Variants in DCC observed in about 807,000 individuals in gnomAD.
The protein encoded by DCC is netrin receptor DCC.
Under a neutral mutation model 172.5 loss-of-function variants are expected in DCC, and 58 were observed. The observed-to-expected ratio is 0.34, with a 90% CI of 0.27 to 0.42. The LOEUF (loss-of-function observed/expected upper bound fraction) is 0.42, where lower values mean the gene tolerates loss of function less well. Ranked by LOEUF, DCC falls within the 10% of genes least tolerant of loss-of-function variation. DCC has a pLI of 1.00. For synonymous variants in DCC, 709 were observed against 644.5 expected (o/e 1.10, Z -1.52); for missense variants, 1,740 against 1,791.0 (o/e 0.97, Z 0.51).
intron 1 of DCC, among the ~76,000 whole-genome samples, chr18:52,417,186 T>C (rs887587950): frequency 2.0e-5 from 3 of 152,174 alleles, no homozygotes; most frequent in African/African-American, 7.2e-5. Context: ...TCTTTAAGAA[T>C]GTTGAATATT....
intron 2 of DCC, among the ~76,000 whole-genome samples, chr18:52,877,922 T>C (rs371553186): frequency 6.6e-5 from 10 of 152,148 alleles, no homozygotes; most frequent in African/African-American, 2.2e-4. Flanking sequence ...GCTATATTAA[T>C]GATAATGTAA....
intron 2 of DCC, among the ~76,000 whole-genome samples, chr18:52,816,015 C>T (rs2145259999): frequency 6.6e-6 from 1 of 152,314 alleles, no homozygotes; most frequent in South Asian, 2.1e-4. Context: ...GTAATAGCAA[C>T]TGATAATTAT....
intron 2 of DCC, among the ~76,000 whole-genome samples, chr18:52,896,740 G>A (rs1284356055): frequency 6.6e-6 from 1 of 152,098 alleles, no homozygotes; most frequent in African/African-American, 2.4e-5. Context: ...ATATTGATGG[G>A]ACAAGCCAGC....
In DCC at chr18:52,906,346, G is replaced by C. The variant is rs563147101; in HGVS notation, c.697+18G>C. The C allele has an allele frequency of 6.2e-7, 1 of 1,612,926 alleles. No homozygotes were observed. Among genetic ancestry groups the C allele is most frequent in the African/African-American group, 1.3e-5 (1 of 75,020 alleles). On this transcript the variant is annotated intron_variant, in intron 3 of 28. Coordinates refer to ENST00000442544, the MANE Select transcript of DCC (RefSeq NM_005215.4). ...TTTATCAGGTATTGCAATGCTCTTT[G>C]TTGCCTTCAGAATGATATTCTCTGG...
At chr18:52,740,409 T>A (rs1267937479) in intron 1 of DCC, among the ~76,000 whole-genome samples, 2 of 152,122 alleles carry the variant, frequency 1.3e-5, no homozygotes, top group African/African-American at 4.8e-5. Flanking sequence ...ACACAGTAAA[T>A]ATCATGACAA....
At chr18:53,515,840 G>A (rs1406564207) in intron 27 of DCC, among the ~76,000 whole-genome samples, 1 of 151,966 alleles carries the variant, frequency 6.6e-6, no homozygotes, top group Non-Finnish European at 1.5e-5. Context: ...CTCATGGGTA[G>A]GAAGAATCAA....
rs563617387 is a variant in DCC at position 52,543,756 on chromosome 18, G to A, written c.91+202878G>A. ...TGCCCCTGACCCTTCTCCCATACCA[G>A]GACAAAAACTTAAATAGAGAGCAGA... is the stretch of plus-strand genomic sequence containing the variant. On this transcript the variant is annotated intron_variant, in intron 1 of 28. Transcript: ENST00000442544. 2.0e-5 allele frequency among the ~76,000 whole-genome samples: 3 copies of A among 152,244 alleles called. No homozygotes were observed. The South Asian group carries it at 6.2e-4, about 32-fold the overall frequency.
chr18:52,979,272 G>A (rs1363314132), intron 5 of DCC, among the ~76,000 whole-genome samples: 1 of 152,112 alleles, frequency 6.6e-6, no homozygotes, highest in Non-Finnish European at 1.5e-5. Flanking sequence ...AGAGGGGAAG[G>A]AATCAGTTTG....
intron 2 of DCC, among the ~76,000 whole-genome samples, chr18:52,886,524 A>G (rs1369270897): frequency 2.0e-5 from 3 of 152,138 alleles, no homozygotes; most frequent in African/African-American, 7.2e-5. Context: ...TGCATCTTGC[A>G]TTACCTGGCA....
At chr18:52,460,261 TC>T (rs1341713993) in intron 1 of DCC, among the ~76,000 whole-genome samples, 1 of 152,172 alleles carries the variant, frequency 6.6e-6, no homozygotes, top group East Asian at 1.9e-4. Flanking sequence ...TTTGCCCCTT[TC>T]TCTGCACCAA....
intron 7 of DCC, among the ~76,000 whole-genome samples, chr18:53,109,403 A>G (rs1430424923): frequency 1.3e-5 from 2 of 151,604 alleles, no homozygotes; most frequent in Admixed American, 6.6e-5. Context: ...TTCAATATTT[A>G]TTAAATCCTC....
intron 2 of DCC, among the ~76,000 whole-genome samples, chr18:52,854,116 C>T (rs1450642753): frequency 6.6e-6 from 1 of 152,176 alleles, no homozygotes; most frequent in Non-Finnish European, 1.5e-5. Context: ...ATAGATGAGG[C>T]TATTTTATCT....
intron 5 of DCC, among the ~76,000 whole-genome samples, chr18:52,979,482 T>A (rs934580796): frequency 6.6e-6 from 1 of 152,202 alleles, no homozygotes; most frequent in South Asian, 2.1e-4. Flanking sequence ...TCAAAAGGCA[T>A]GGATGTTGCT....
chr18:53,460,671 A>G (rs1568146480), intron 24 of DCC, among the ~76,000 whole-genome samples: 2 of 151,866 alleles, frequency 1.3e-5, no homozygotes, highest in Non-Finnish European at 2.9e-5. Flanking sequence ...TTCTTAATCC[A>G]GTCTATCATT....
At chr18:52,877,342 C>T (rs557927353) in intron 2 of DCC, among the ~76,000 whole-genome samples, 5 of 152,200 alleles carry the variant, frequency 3.3e-5, no homozygotes, top group African/African-American at 7.2e-5. Flanking sequence ...GCCCCAGTTT[C>T]GAACTATTGG....
intron 27 of DCC, among the ~76,000 whole-genome samples, chr18:53,501,169 T>C (rs2046092984): frequency 6.6e-6 from 1 of 152,204 alleles, no homozygotes; most frequent in Non-Finnish European, 1.5e-5. Flanking sequence ...GAGCCTTTAA[T>C]GAATCTTTAA....
intron 1 of DCC, among the ~76,000 whole-genome samples, chr18:52,517,162 G>A (rs1209598967): frequency 6.6e-6 from 1 of 152,192 alleles, no homozygotes; most frequent in Non-Finnish European, 1.5e-5. Flanking sequence ...AAGGGTGCCA[G>A]AAGCAATCTG....
intron 12 of DCC, among the ~76,000 whole-genome samples, chr18:53,262,690 C>T (rs1465919614): frequency 1.3e-5 from 2 of 152,182 alleles, no homozygotes; most frequent in Non-Finnish European, 2.9e-5. Context: ...CATAGACATT[C>T]TCCCTTAGTC....
At chr18:53,503,532 C>T (rs1027981939) in intron 27 of DCC, among the ~76,000 whole-genome samples, 2 of 152,208 alleles carry the variant, frequency 1.3e-5, no homozygotes, top group African/African-American at 4.8e-5. Flanking sequence ...GCTTAGTCCA[C>T]TTTCAGGTTA....
Sources: allele counts gnomAD v4.1 joint callset (sites outside exome capture counted in the v4.1 genomes callset), GRCh38; gene constraint gnomAD v4.1.1; transcripts MANE v1.5; gene names NCBI Gene and HGNC (gene_info 2026-07-23, HGNC 2026-07-21).